Variants in SLC15A4 observed in about 807,000 individuals in gnomAD.
SLC15A4 encodes the protein hPHT1.
A neutral mutation model predicts 46.1 loss-of-function variants in SLC15A4; 26 were observed. That is an observed-to-expected ratio of 0.56 (90% confidence interval 0.41 to 0.78). The LOEUF is 0.78. Among genes scored for constraint, SLC15A4 ranks in the 30% least tolerant of loss-of-function variants. SLC15A4 has a pLI of 0.00. For synonymous variants in SLC15A4, 370 were observed against 333.4 expected, an observed-to-expected ratio of 1.11 and a Z score of -1.20; for missense variants, 751 against 755.7, an observed-to-expected ratio of 0.99 and a Z score of 0.07.
intron 1 of SLC15A4, among the ~76,000 whole-genome samples, chr12:128,818,799 T>G (rs1338537851): frequency 6.6e-6 from 1 of 152,126 alleles, no homozygotes; most frequent in Non-Finnish European, 1.5e-5. Context: ...TGGCAACCCT[T>G]AATCTACTTC....
In SLC15A4 at chr12:128,814,865, G is replaced by A. The variant is rs746473520; in HGVS notation, c.752C>T (p.Pro251Leu). The change falls in exon 2 of 8, where the codon CCT (proline) becomes CTT (leucine). Residue 251 changes from proline to leucine, a missense_variant. Transcript: ENST00000266771. ...LCGQSVFITK[P>L]PDGSAFTDMF... is the part of the protein sequence containing the mutation. ...GTCGGTGAAGGCACTGCCATCAGGAGGCTTGGTGATGAAAACGCTCTGGCC... is the reference window on the plus strand; with the variant it reads ...GTCGGTGAAGGCACTGCCATCAGGAAGCTTGGTGATGAAAACGCTCTGGCC... 1 of 1,614,206 alleles carries A rather than the reference G, an allele frequency of 6.2e-7. No individual in the cohort carries two copies. The highest frequency in any genetic ancestry group is 8.5e-7 in the Non-Finnish European group (1 of 1,180,034).
chr12:128,820,705 G>A (rs1955821666), intron 1 of SLC15A4, among the ~76,000 whole-genome samples: 1 of 152,208 alleles, frequency 6.6e-6, no homozygotes, highest in Non-Finnish European at 1.5e-5. Context: ...GTGTCATGTG[G>A]ACTAACCAGA....
chr12:128,801,523 A>G (rs1955518958), intron 5 of SLC15A4: 1 of 153,044 alleles, frequency 6.5e-6, no homozygotes, highest in Non-Finnish European at 1.5e-5. Context: ...GGGTAGGCTT[A>G]ATCTTTGCAA....
chr12:128,813,223 T>C (rs1850396241), intron 2 of SLC15A4: 1 of 151,442 alleles, frequency 6.6e-6, no homozygotes, highest in African/African-American at 2.4e-5. Context: ...TCTCACTTTG[T>C]CACCCAGGCT....
intron 1 of SLC15A4, among the ~76,000 whole-genome samples, chr12:128,817,966 C>A (rs1403544350): frequency 6.6e-6 from 1 of 151,846 alleles, no homozygotes; most frequent in Non-Finnish European, 1.5e-5. Context: ...CCAAAAGATA[C>A]CACCAAAATC....
chr12:128,811,748 A>G (rs1045276603), intron 2 of SLC15A4, among the ~76,000 whole-genome samples: 2 of 152,268 alleles, frequency 1.3e-5, no homozygotes, highest in Non-Finnish European at 2.9e-5. Flanking sequence ...AAACATTTAA[A>G]TAACAAATAA....
At position 128,823,947 on chromosome 12, in the gene SLC15A4, A is replaced by G; in HGVS notation, c.-4T>C. Reference sequence around the variant, plus strand: ...CACCGCCCCCAGAGCCCTCCATGCGACGCCGCCAGCTGCCTCGCCCCGCCG... The same window carrying G: ...CACCGCCCCCAGAGCCCTCCATGCGGCGCCGCCAGCTGCCTCGCCCCGCCG... On this transcript the variant is annotated 5_prime_UTR_variant, in exon 1 of 8. Coordinates refer to ENST00000266771, the MANE Select transcript of SLC15A4 (RefSeq NM_145648.4). The G allele has an allele frequency of 2.0e-6, 1 of 512,336 alleles. No homozygotes were observed. The highest frequency in any genetic ancestry group is 2.5e-6 in the Non-Finnish European group (1 of 398,006). 31.7% of individuals were successfully genotyped at this position (512,336 alleles called of 1,614,324 possible). A position where few individuals can be genotyped will look rare whatever the true frequency, so the allele number is the denominator to read the frequency against.
At chr12:128,808,712 G>T in intron 5 of SLC15A4, 76 bp downstream of exon 5, 1 of 1,486,674 alleles carries the variant, frequency 6.7e-7, no homozygotes, top group Non-Finnish European at 9.2e-7. Flanking sequence ...GGGCACGACT[G>T]CGTGTGAGCA....
In SLC15A4 at chr12:128,808,847, G is replaced by T. The variant is rs1275140901; in HGVS notation, c.1199C>A (p.Ser400Tyr). The change falls in exon 5 of 8, where the codon TCC (serine) becomes TAC (tyrosine). Residue 400 changes from serine (S) to tyrosine (Y), a missense_variant. Transcript: ENST00000266771. ...GCCCACGGCGATCCTCTTCAGGGAG[G>T]ATGGGAGCAGGCCATGTCTTCTCAA... ...PILRRHGLLP[S>Y]SLKRIAVGMF... 1.2e-6 allele frequency: 2 copies of T among 1,614,246 alleles called. No homozygotes were observed. Among genetic ancestry groups the T allele is most frequent in the African/African-American group, 1.3e-5 (1 of 75,066 alleles).
rs1289837898 is a variant in SLC15A4, at chr12:128,823,480, G to A, written c.464C>T (p.Pro155Leu). 5 of 1,484,788 alleles carry A rather than the reference G, an allele frequency of 3.4e-6. No individual in the cohort carries two copies. In the Admixed American group the frequency reaches 6.7e-5, roughly 20 times the overall value. The allele number at this position is 1,484,788 out of a possible 1,614,324, so 92.0% of individuals were successfully genotyped here. ...GPDAAARCCS[P>L]ATFAGLVLVG... Reference sequence around the variant, plus strand: ...CAGCACCAGCCCCGCGAAGGTGGCCGGTGAGCAGCAGCGGGCGGCGGCGTC... The same window carrying A: ...CAGCACCAGCCCCGCGAAGGTGGCCAGTGAGCAGCAGCGGGCGGCGGCGTC... The change falls in exon 1 of 8, where the codon CCG becomes CTG. Residue 155 changes from proline to leucine, a missense_variant. Physicochemically the swap from Pro to Leu is moderately conservative, Grantham distance 98. Coordinates refer to ENST00000266771, the MANE Select transcript of SLC15A4 (RefSeq NM_145648.4).
At position 128,803,929 on chromosome 12, in the gene SLC15A4, G is replaced by A. The variant is rs928217971; in HGVS notation, c.1259-2920C>T. Among the ~76,000 whole-genome samples the A allele has an allele frequency of 5.3e-5, 8 of 152,136 alleles. No individual in the cohort carries two copies. The South Asian group carries it at 8.3e-4, about 16-fold the overall frequency. ...CCACATGGTGTTTTAGAAAGTGTTC[G>A]GGCAGGACCTGTCTGTGCCTTCCCA... On this transcript the variant is annotated intron_variant, in intron 5 of 7. Transcript: ENST00000266771.
chr12:128,820,778 C>G (rs895203011), intron 1 of SLC15A4, among the ~76,000 whole-genome samples: 6 of 152,190 alleles, frequency 3.9e-5, no homozygotes, highest in African/African-American at 1.4e-4. Context: ...AGTAAATGTT[C>G]CTAAAAAACA....
intron 5 of SLC15A4, among the ~76,000 whole-genome samples, chr12:128,804,730 T>C (rs1353038317): frequency 1.3e-5 from 2 of 152,136 alleles, no homozygotes; most frequent in Non-Finnish European, 2.9e-5. Context: ...GACCCTGTCT[T>C]GAAAATGAAA....
chr12:128,810,736 C>G (rs990421410), intron 2 of SLC15A4, among the ~76,000 whole-genome samples: 5 of 152,132 alleles, frequency 3.3e-5, no homozygotes, highest in African/African-American at 7.2e-5. Context: ...GTCCCTGGCT[C>G]TGTCCCCTGA....
intron 7 of SLC15A4, among the ~76,000 whole-genome samples, chr12:128,795,249 C>T (rs1252624102): frequency 1.3e-5 from 2 of 152,168 alleles, no homozygotes; most frequent in African/African-American, 4.8e-5. Flanking sequence ...GAGCTGGTTT[C>T]TGAATGTGTC....
intron 3 of SLC15A4, 112 bp downstream of exon 3, chr12:128,809,831 C>T: frequency 1.8e-6 from 2 of 1,103,456 alleles, no homozygotes; most frequent in Non-Finnish European, 2.5e-6. Context: ...TCTGTAGACT[C>T]ATGGGAAAAA....
In SLC15A4 at chr12:128,794,348, T is replaced by C; in HGVS notation, c.1582A>G (p.Asn528Asp). 2 of 1,609,776 alleles carry C rather than the reference T, an allele frequency of 1.2e-6. No individual in the cohort carries two copies. Among genetic ancestry groups the C allele is most frequent in the Non-Finnish European group, 1.7e-6 (2 of 1,178,488 alleles). ...MSSHTDFGNI[N>D]GCYLNYYFFL... The stretch of plus-strand genomic sequence containing the variant: ...AAGTAATAGTTCAAATAGCAGCCGT[T>C]AATATTACCTGGAGAAAACAAAAGG... Residue 528 changes from asparagine (N) to aspartate (D), a missense_variant, in exon 8 of 8, where the codon AAC becomes GAC. Coordinates refer to ENST00000266771, the MANE Select transcript of SLC15A4 (RefSeq NM_145648.4).
At chr12:128,809,274 C>T in intron 4 of SLC15A4, 122 bp downstream of exon 4, 1 of 690,762 alleles carries the variant, frequency 1.4e-6, no homozygotes, top group Non-Finnish European at 2.4e-6. Context: ...AACTCTATTT[C>T]AATAACAATG....
chr12:128,793,980 C>T lies in SLC15A4; in HGVS notation c.*216G>A. ...AGCGACATACTCGAAATCTGCAGCT[C>T]TCCTCCCGGAGGGCCCAGCGTGCCA... On this transcript the variant is annotated 3_prime_UTR_variant, in exon 8 of 8. Transcript: ENST00000266771. 1 of 403,500 alleles carries T rather than the reference C, an allele frequency of 2.5e-6. No individual in the cohort carries two copies. Among genetic ancestry groups the T allele is most frequent in the Non-Finnish European group, 4.4e-6 (1 of 226,650 alleles). 25.0% of individuals were successfully genotyped at this position (403,500 alleles called of 1,614,324 possible).
Sources: allele counts gnomAD v4.1 joint callset (sites outside exome capture counted in the v4.1 genomes callset), GRCh38; gene constraint gnomAD v4.1.1; transcripts MANE v1.5; gene names NCBI Gene and HGNC (gene_info 2026-07-23, HGNC 2026-07-21).